Variants in MGAT4C observed in about 807,000 individuals in gnomAD.
MGAT4C encodes alpha-1,3-mannosyl-glycoprotein 4-beta-N-acetylglucosaminyltransferase C.
In MGAT4C, 19 loss-of-function variants were observed where a neutral mutation model predicts 40.1. The ratio of observed to expected loss-of-function variants is 0.47; its 90% CI spans 0.33 to 0.70. The LOEUF is 0.70. MGAT4C is among the 30% of genes least tolerant of loss of function. The pLI is 0.02. For missense variants in MGAT4C, 491 were observed against 563.2 expected (o/e 0.87, Z 1.30); for synonymous variants, 181 against 187.1 (o/e 0.97, Z 0.27).
chr12:86,232,031 A>T (rs1951342497), intron 1 of MGAT4C, among the ~76,000 whole-genome samples: 1 of 151,968 alleles, frequency 6.6e-6, no homozygotes, highest in Non-Finnish European at 1.5e-5. Context: ...AATCCCAGCT[A>T]CTCAGAAGGC....
chr12:86,089,813 C>G (rs979607060), intron 1 of MGAT4C, among the ~76,000 whole-genome samples: 1 of 151,600 alleles, frequency 6.6e-6, no homozygotes, highest in Non-Finnish European at 1.5e-5. Flanking sequence ...TTAGTCAAAA[C>G]TGAGTCTTTG....
chr12:86,115,511 A>G (rs1427396031), intron 1 of MGAT4C, among the ~76,000 whole-genome samples: 2 of 152,080 alleles, frequency 1.3e-5, no homozygotes, highest in Admixed American at 1.3e-4. Flanking sequence ...ATAAGATGTT[A>G]AGGCTTCAAT....
chr12:86,596,861 G>A (rs144382493), intron 2 of MGAT4C, among the ~76,000 whole-genome samples: 6 of 152,244 alleles, frequency 3.9e-5, no homozygotes, highest in African/African-American at 1.4e-4. Flanking sequence ...TGAACTGACT[G>A]AACAGATCCC....
In MGAT4C at chr12:86,033,438, C is replaced by T. The variant is rs1381947862; in HGVS notation, c.-7+16236G>A. Among the ~76,000 whole-genome samples the T allele has an allele frequency of 4.0e-5, 6 of 149,278 alleles. 1 individual carries two copies. The Admixed American group carries it at 4.0e-4, about 10-fold the overall frequency. On this transcript the variant is annotated intron_variant, in intron 2 of 4. Coordinates refer to ENST00000611864, the MANE Select transcript of MGAT4C (RefSeq NM_001351288.2). The stretch of plus-strand genomic sequence containing the variant: ...TTATATTGTCTTTGATTTCTTAGAG[C>T]AGTATTTTATCTCTCACTGTGGAAG...
chr12:86,042,384 G>T (rs753701223), intron 2 of MGAT4C, among the ~76,000 whole-genome samples: 20 of 152,126 alleles, frequency 1.3e-4, no homozygotes, highest in Admixed American at 5.2e-4. Flanking sequence ...AAACTTGTTT[G>T]TGTAGTTGCT....
At chr12:86,457,998 G>A (rs778111399) in intron 2 of MGAT4C, among the ~76,000 whole-genome samples, 2 of 151,748 alleles carry the variant, frequency 1.3e-5, no homozygotes, top group Non-Finnish European at 2.9e-5. Context: ...AAAAGTCAGA[G>A]AATCATAAAT....
chr12:86,373,876 T>C (rs889668751), intron 3 of MGAT4C, among the ~76,000 whole-genome samples: 18 of 152,080 alleles, frequency 1.2e-4, no homozygotes, highest in Non-Finnish European at 2.1e-4. Flanking sequence ...TCTTTTAACA[T>C]CTTGCTCTTA....
chr12:86,197,806 C>T (rs935857186), intron 1 of MGAT4C, among the ~76,000 whole-genome samples: 1 of 152,132 alleles, frequency 6.6e-6, no homozygotes, highest in Non-Finnish European at 1.5e-5. Flanking sequence ...TAGAATTATT[C>T]TTACACAGGC....
intron 2 of MGAT4C, among the ~76,000 whole-genome samples, chr12:86,020,501 A>G (rs1011865112): frequency 6.6e-6 from 1 of 152,200 alleles, no homozygotes; most frequent in Non-Finnish European, 1.5e-5. Flanking sequence ...TTCCCTATTT[A>G]ATAAATGGTG....
At chr12:86,645,043 A>T (rs962524778) in intron 2 of MGAT4C, among the ~76,000 whole-genome samples, 3 of 151,666 alleles carry the variant, frequency 2.0e-5, no homozygotes, top group African/African-American at 4.8e-5. Flanking sequence ...CAACTTATAT[A>T]CATATGTGAT....
At chr12:86,573,042 T>C (rs1433017111) in intron 2 of MGAT4C, among the ~76,000 whole-genome samples, 1 of 152,014 alleles carries the variant, frequency 6.6e-6, no homozygotes, top group African/African-American at 2.4e-5. Context: ...ATGTCTGTTT[T>C]TTTTTCCTCC....
At chr12:86,728,190 A>G (rs1950854270) in intron 1 of MGAT4C, among the ~76,000 whole-genome samples, 1 of 152,220 alleles carries the variant, frequency 6.6e-6, no homozygotes, top group South Asian at 2.1e-4. Flanking sequence ...TCTACCTTGT[A>G]TTACATAAAT....
chr12:86,042,386 G>A (rs1333244830), intron 2 of MGAT4C, among the ~76,000 whole-genome samples: 1 of 152,084 alleles, frequency 6.6e-6, no homozygotes, highest in Non-Finnish European at 1.5e-5. Flanking sequence ...ACTTGTTTGT[G>A]TAGTTGCTTT....
chr12:86,494,681 T>C (rs10161175), intron 2 of MGAT4C, among the ~76,000 whole-genome samples: 3,451 of 150,814 alleles, frequency 0.023, 72 homozygotes, highest in African/African-American at 0.047. Flanking sequence ...AATGTAGAGA[T>C]AGGGAAAAAT....
intron 1 of MGAT4C, among the ~76,000 whole-genome samples, chr12:86,118,153 C>T (rs1309852503): frequency 1.3e-5 from 2 of 152,068 alleles, no homozygotes; most frequent in Admixed American, 6.6e-5. Flanking sequence ...CCAAGGGGAT[C>T]GAATGCCATT....
At chr12:86,708,093 G>A (rs1215698995) in intron 2 of MGAT4C, among the ~76,000 whole-genome samples, 10 of 152,308 alleles carry the variant, frequency 6.6e-5, no homozygotes, top group Admixed American at 3.3e-4. Context: ...CACAGAAGCC[G>A]CTTCCATCAC....
intron 2 of MGAT4C, among the ~76,000 whole-genome samples, chr12:86,658,637 C>T (rs11609178): frequency 0.14 from 20,907 of 152,076 alleles, 2,309 homozygotes; most frequent in African/African-American, 0.31. Flanking sequence ...TGCTCTGAAA[C>T]AGCCTCACAA....
At chr12:86,690,952 A>G (rs1344950191) in intron 2 of MGAT4C, among the ~76,000 whole-genome samples, 2 of 152,152 alleles carry the variant, frequency 1.3e-5, no homozygotes, top group African/African-American at 4.8e-5. Flanking sequence ...TTCTGTCCAC[A>G]TTATATCTCA....
At position 85,965,102 on chromosome 12, in the gene MGAT4C, G is replaced by C. The variant is rs1883287601; in HGVS notation, c.*14187C>G. 6.6e-6 allele frequency: 1 copy of C among 152,108 alleles called. No homozygotes were observed. 9.4% of individuals were successfully genotyped at this position (152,108 alleles called of 1,614,324 possible). Reference sequence around the variant, plus strand: ...ACATTTCCTTTCCAATTAGAGTGAGGTGTTGAATATTTATTTATTTGTTTA... The same window carrying C: ...ACATTTCCTTTCCAATTAGAGTGAGCTGTTGAATATTTATTTATTTGTTTA... On this transcript the variant is annotated 3_prime_UTR_variant, in exon 5 of 5. Coordinates refer to ENST00000611864, the MANE Select transcript of MGAT4C (RefSeq NM_001351288.2).
Sources: allele counts gnomAD v4.1 joint callset (sites outside exome capture counted in the v4.1 genomes callset), GRCh38; gene constraint gnomAD v4.1.1; transcripts MANE v1.5; gene names NCBI Gene and HGNC (gene_info 2026-07-23, HGNC 2026-07-21).